The following MAGI2 variants were observed in gnomAD, a reference collection of about 807,000 sequenced individuals.
MAGI2 encodes the protein membrane associated guanylate kinase, WW and PDZ domain containing 2.
A neutral mutation model predicts 133.3 loss-of-function variants in MAGI2; 35 were observed. The ratio of observed to expected loss-of-function variants is 0.26; its 90% CI spans 0.20 to 0.35. MAGI2 has a LOEUF of 0.35. MAGI2 is among the 10% of genes least tolerant of loss of function. The probability of loss-of-function intolerance (pLI) is 1.00; values close to 1 mark genes in which losing one functional copy is unlikely to be tolerated. For synonymous variants in MAGI2, 729 were observed against 710.6 expected (o/e 1.03, Z -0.41); for missense variants, 1,636 against 1,863.4 (o/e 0.88, Z 2.25).
At chr7:79,340,551 AT>A (rs1295156489) in intron 1 of MAGI2, among the ~76,000 whole-genome samples, 1 of 152,150 alleles carries the variant, frequency 6.6e-6, no homozygotes, top group Non-Finnish European at 1.5e-5. Context: ...TTTCTTATAA[AT>A]GCTCATCTAT....
intron 1 of MAGI2, among the ~76,000 whole-genome samples, chr7:79,375,717 G>T (rs1843335190): frequency 6.6e-6 from 1 of 151,842 alleles, no homozygotes; most frequent in Non-Finnish European, 1.5e-5. Context: ...GAGGAATGCA[G>T]AAAGTGATTA....
At chr7:79,444,669 C>G (rs973947901) in intron 1 of MAGI2, among the ~76,000 whole-genome samples, 1 of 151,874 alleles carries the variant, frequency 6.6e-6, no homozygotes, top group Non-Finnish European at 1.5e-5. Context: ...AAAGAGGATA[C>G]AAACAAATGG....
intron 1 of MAGI2, among the ~76,000 whole-genome samples, chr7:79,151,379 T>A (rs2129547000): frequency 6.6e-6 from 1 of 152,274 alleles, no homozygotes; most frequent in African/African-American, 2.4e-5. Flanking sequence ...TCTAGCTAAG[T>A]TAGGCACTAC....
At chr7:78,299,193 C>T (rs1208523351) in intron 9 of MAGI2, among the ~76,000 whole-genome samples, 1 of 152,070 alleles carries the variant, frequency 6.6e-6, no homozygotes, top group Non-Finnish European at 1.5e-5. Context: ...TAACGTATGG[C>T]AAATTCTGAA....
At chr7:78,551,217 G>T (rs1380395068) in intron 3 of MAGI2, among the ~76,000 whole-genome samples, 1 of 152,136 alleles carries the variant, frequency 6.6e-6, no homozygotes, top group Non-Finnish European at 1.5e-5. Flanking sequence ...AATCCACCTT[G>T]CAGTGTTCAT....
intron 21 of MAGI2, among the ~76,000 whole-genome samples, chr7:78,056,028 A>C (rs7792331): frequency 0.56 from 84,851 of 151,962 alleles, 23,709 homozygotes; most frequent in East Asian, 0.66. Flanking sequence ...ACAGATCCCT[A>C]AAAGTTCATC....
At chr7:78,716,418 T>C (rs1285411158) in intron 2 of MAGI2, among the ~76,000 whole-genome samples, 1 of 152,076 alleles carries the variant, frequency 6.6e-6, no homozygotes, top group Non-Finnish European at 1.5e-5. Flanking sequence ...CATGTGTTAG[T>C]AGGAGAGAAA....
intron 10 of MAGI2, among the ~76,000 whole-genome samples, chr7:78,236,309 G>T (rs1563304967): frequency 6.6e-6 from 1 of 152,104 alleles, no homozygotes; most frequent in Non-Finnish European, 1.5e-5. Flanking sequence ...TGCTTGAAAA[G>T]CCCAGACAGA....
intron 1 of MAGI2, among the ~76,000 whole-genome samples, chr7:79,093,000 T>C (rs1356001697): frequency 6.6e-6 from 1 of 152,130 alleles, no homozygotes; most frequent in East Asian, 1.9e-4. Context: ...AGAAAACTCA[T>C]AGTTGGCAAA....
intron 1 of MAGI2, among the ~76,000 whole-genome samples, chr7:79,059,324 T>G (rs1813490425): frequency 1.3e-5 from 2 of 152,072 alleles, no homozygotes; most frequent in Admixed American, 6.6e-5. Flanking sequence ...CCTAGTGTCA[T>G]CCACAACCTC....
In MAGI2 at chr7:78,974,412, A is replaced by G. The variant is rs1051854955; in HGVS notation, c.418+32678T>C. On this transcript the variant is annotated intron_variant, in intron 2 of 21. Coordinates refer to ENST00000354212, the MANE Select transcript of MAGI2 (RefSeq NM_012301.4). ...CTTGTTAGCCAATGAAAAGAAGTACAGTATAATTCATGAGCATGCAGTATT... is the reference window on the plus strand; with the variant it reads ...CTTGTTAGCCAATGAAAAGAAGTACGGTATAATTCATGAGCATGCAGTATT... Among the ~76,000 whole-genome samples, 14 of 151,922 alleles carry G rather than the reference A, an allele frequency of 9.2e-5. No individual in the cohort carries two copies. In the East Asian group the frequency reaches 2.5e-3, roughly 27 times the overall value.
intron 2 of MAGI2, among the ~76,000 whole-genome samples, chr7:78,907,351 C>T (rs1412894320): frequency 1.3e-5 from 2 of 152,152 alleles, no homozygotes; most frequent in East Asian, 1.9e-4. Context: ...TTTCTCAATG[C>T]TTGATAAAGA....
Position 78,537,525 on chromosome 7 carries a change from T to A in MAGI2, c.539-15880A>T, listed in dbSNP as rs564358917. 6.9e-4 allele frequency among the ~76,000 whole-genome samples: 105 copies of A among 152,324 alleles called. 1 individual carries two copies. The highest frequency in any genetic ancestry group is 2.4e-3 in the African/African-American group (98 of 41,588). ...CAACATCTATTAGTTTTCAATTTTT[T>A]AAATTATGGCCCTTCTTGCAGGAAT... is the stretch of plus-strand genomic sequence containing the variant. On this transcript the variant is annotated intron_variant, in intron 3 of 21. Transcript: ENST00000354212.
chr7:78,751,490 T>C (rs772188237), intron 2 of MAGI2, among the ~76,000 whole-genome samples: 3 of 152,174 alleles, frequency 2.0e-5, no homozygotes, highest in African/African-American at 4.8e-5. Flanking sequence ...GCTTCCAAAT[T>C]TAGATTACTT....
At chr7:78,997,357 A>G (rs1806410439) in intron 2 of MAGI2, among the ~76,000 whole-genome samples, 1 of 152,206 alleles carries the variant, frequency 6.6e-6, no homozygotes, top group East Asian at 1.9e-4. Context: ...TAATCCCAGC[A>G]CTTTGGGAGG....
At chr7:78,849,487 G>C (rs1171872176) in intron 2 of MAGI2, among the ~76,000 whole-genome samples, 1 of 152,040 alleles carries the variant, frequency 6.6e-6, no homozygotes, top group East Asian at 1.9e-4. Flanking sequence ...GGTAACACAT[G>C]AAGGCTGCAG....
intron 6 of MAGI2, among the ~76,000 whole-genome samples, chr7:78,482,461 T>A (rs1239213207): frequency 6.6e-6 from 1 of 151,936 alleles, no homozygotes; most frequent in East Asian, 1.9e-4. Context: ...CATAGCAGCT[T>A]TATTCATTCA....
At chr7:78,779,062 C>T (rs1434479745) in intron 2 of MAGI2, among the ~76,000 whole-genome samples, 2 of 152,000 alleles carry the variant, frequency 1.3e-5, no homozygotes, top group Non-Finnish European at 2.9e-5. Flanking sequence ...ACATGTGCCA[C>T]CTTGCCTGGC....
intron 1 of MAGI2, among the ~76,000 whole-genome samples, chr7:79,250,310 G>A (rs1406623077): frequency 5.7e-5 from 8 of 140,034 alleles, no homozygotes; most frequent in African/African-American, 2.1e-4. Flanking sequence ...GTTTGCAGGT[G>A]ATATGATCTT....
Sources: allele counts gnomAD v4.1 joint callset (sites outside exome capture counted in the v4.1 genomes callset), GRCh38; gene constraint gnomAD v4.1.1; transcripts MANE v1.5; gene names NCBI Gene and HGNC (gene_info 2026-07-23, HGNC 2026-07-21).